NELL1: variants seen among roughly 807,000 people sequenced by gnomAD.
NELL1 encodes the protein neural EGFL like 1, also known as protein kinase C-binding protein NELL1.
A neutral mutation model predicts 107.4 loss-of-function variants in NELL1; 76 were observed. The observed-to-expected ratio is 0.71, with a 90% CI of 0.59 to 0.86. The LOEUF is 0.86. Ranked by LOEUF, NELL1 falls within the 40% of genes least tolerant of loss-of-function variation. NELL1 has a pLI of 0.00. For synonymous variants in NELL1, 353 were observed against 341.2 expected (o/e 1.03, Z -0.38); for missense variants, 1,024 against 1,005.5 (o/e 1.02, Z -0.25).
At chr11:21,375,385 C>T (rs774935508) in intron 15 of NELL1, among the ~76,000 whole-genome samples, 1 of 152,064 alleles carries the variant, frequency 6.6e-6, no homozygotes, top group Non-Finnish European at 1.5e-5. Flanking sequence ...GACATGATTT[C>T]ATTCTTTTAT....
At chr11:21,330,107 A>G (rs754753928) in intron 14 of NELL1, among the ~76,000 whole-genome samples, 4 of 151,984 alleles carry the variant, frequency 2.6e-5, no homozygotes, top group Admixed American at 2.0e-4. Context: ...CCCTACTTCA[A>G]TATAGCTTTG....
At chr11:21,134,908 C>T (rs1025737421) in intron 13 of NELL1, among the ~76,000 whole-genome samples, 1 of 152,128 alleles carries the variant, frequency 6.6e-6, no homozygotes, top group South Asian at 2.1e-4. Flanking sequence ...TTTAATCTCT[C>T]ATTTGTATAA....
chr11:21,498,332 A>G (rs897162678), intron 15 of NELL1, among the ~76,000 whole-genome samples: 4 of 95,664 alleles, frequency 4.2e-5, no homozygotes, highest in African/African-American at 1.2e-4. Context: ...CCATAAACAT[A>G]TTATATATAT....
At chr11:20,879,812 A>T (rs561734397) in intron 4 of NELL1, among the ~76,000 whole-genome samples, 1 of 152,216 alleles carries the variant, frequency 6.6e-6, no homozygotes, top group Non-Finnish European at 1.5e-5. Flanking sequence ...AGTAATTTAC[A>T]TAGAAAAGTT....
chr11:20,822,134 G>T (rs923250159), intron 3 of NELL1, among the ~76,000 whole-genome samples: 4 of 152,184 alleles, frequency 2.6e-5, no homozygotes, highest in Non-Finnish European at 4.4e-5. Context: ...GTGAAGAGTA[G>T]ACTGAGGGTC....
chr11:21,270,653 A>G (rs965828999), intron 14 of NELL1, among the ~76,000 whole-genome samples: 3 of 152,176 alleles, frequency 2.0e-5, no homozygotes, highest in African/African-American at 7.2e-5. Context: ...GGACATAGCA[A>G]TAATACCACA....
chr11:20,919,847 T>C (rs772169606), intron 7 of NELL1, among the ~76,000 whole-genome samples: 7 of 152,150 alleles, frequency 4.6e-5, no homozygotes, highest in Non-Finnish European at 7.4e-5. Context: ...AGTTTGCCTT[T>C]CAACACCTTC....
chr11:21,126,033 T>G (rs1855479183), intron 13 of NELL1, among the ~76,000 whole-genome samples: 1 of 152,142 alleles, frequency 6.6e-6, no homozygotes, highest in African/African-American at 2.4e-5. Context: ...TCAATAACTG[T>G]TAGCAATTAC....
intron 13 of NELL1, among the ~76,000 whole-genome samples, chr11:21,203,933 T>C (rs1359132032): frequency 6.6e-6 from 1 of 152,196 alleles, no homozygotes; most frequent in African/African-American, 2.4e-5. Context: ...TGTTGAATAT[T>C]GGCCCCCACT....
At chr11:20,994,822 T>C (rs1286547758) in intron 12 of NELL1, among the ~76,000 whole-genome samples, 2 of 152,248 alleles carry the variant, frequency 1.3e-5, no homozygotes, top group African/African-American at 4.8e-5. Context: ...AAATGAATTT[T>C]AATTTCTAAT....
At chr11:21,348,030 G>C (rs1203422953) in intron 14 of NELL1, among the ~76,000 whole-genome samples, 1 of 152,196 alleles carries the variant, frequency 6.6e-6, no homozygotes, top group Non-Finnish European at 1.5e-5. Flanking sequence ...ACAGGACAAG[G>C]AGTGTTGTGA....
chr11:21,207,552 T>C (rs1215611686), intron 13 of NELL1, among the ~76,000 whole-genome samples: 2 of 152,174 alleles, frequency 1.3e-5, no homozygotes, highest in Admixed American at 1.3e-4. Context: ...GTCTCTGCCA[T>C]TTTTGGAGTT....
intron 12 of NELL1, among the ~76,000 whole-genome samples, chr11:21,038,842 A>C (rs1265615357): frequency 2.6e-5 from 4 of 152,228 alleles, no homozygotes; most frequent in African/African-American, 9.6e-5. Flanking sequence ...CAACTATGTC[A>C]CTAAGCATGC....
chr11:20,899,195 T>C (rs781451986), intron 5 of NELL1, among the ~76,000 whole-genome samples: 14 of 151,944 alleles, frequency 9.2e-5, no homozygotes, highest in Non-Finnish European at 1.5e-4. Context: ...AATGAACACA[T>C]CTAGCACATG....
At chr11:21,340,594 T>TA (rs1850540598) in intron 14 of NELL1, among the ~76,000 whole-genome samples, 2 of 143,948 alleles carry the variant, frequency 1.4e-5, no homozygotes, top group Admixed American at 7.1e-5. Context: ...TAGGGTAGGG[T>TA]GGGCACCTAA....
intron 15 of NELL1, among the ~76,000 whole-genome samples, chr11:21,435,782 G>A (rs1853097998): frequency 6.7e-6 from 1 of 149,880 alleles, no homozygotes; most frequent in Admixed American, 6.6e-5. Context: ...TCTGTACTTT[G>A]TGTGTGTGTG....
chr11:21,554,831 T>G (rs950458445), intron 16 of NELL1, among the ~76,000 whole-genome samples: 5 of 151,888 alleles, frequency 3.3e-5, no homozygotes, highest in Non-Finnish European at 5.9e-5. Context: ...TTGACTCACT[T>G]GTCCCTATGG....
intron 12 of NELL1, among the ~76,000 whole-genome samples, chr11:21,009,163 G>A (rs919963158): frequency 1.3e-5 from 2 of 152,076 alleles, no homozygotes; most frequent in Admixed American, 6.5e-5. Context: ...TCTGATTCAC[G>A]GCTGCCTCCA....
At chr11:21,441,329 ACGTGTG>A (rs1853276552) in intron 15 of NELL1, among the ~76,000 whole-genome samples, 1 of 88,392 alleles carries the variant, frequency 1.1e-5, no homozygotes, top group Non-Finnish European at 2.2e-5. Flanking sequence ...TGAGGCTGTG[ACGTGTG>A]TGTGTGTGTG....
Sources: gnomAD v4.1 joint callset for allele counts (sites outside exome capture counted in the v4.1 genomes callset) on GRCh38, gnomAD v4.1.1 for gene constraint, MANE v1.5 for transcripts, NCBI Gene and HGNC (gene_info 2026-07-23, HGNC 2026-07-21) for gene names.